AHI1: variants seen among roughly 807,000 people sequenced by gnomAD.
AHI1 encodes the protein Abelson helper integration site 1, also known as jouberin.
AHI1 carries 123 observed loss-of-function variants against 149.3 expected under a neutral mutation model. The observed-to-expected ratio is 0.82, with a 90% CI of 0.71 to 0.96. AHI1 has a LOEUF of 0.96. Ranked by LOEUF, AHI1 falls within the 40% of genes least tolerant of loss-of-function variation. The pLI is 0.00. For missense variants in AHI1, 1,439 were observed against 1,422.7 expected, an observed-to-expected ratio of 1.01 and a Z score of -0.18; for synonymous variants, 475 against 459.8, an observed-to-expected ratio of 1.03 and a Z score of -0.42.
chr6:135,478,546 A>T (rs911666769), intron 5 of AHI1, among the ~76,000 whole-genome samples: 13 of 152,198 alleles, frequency 8.5e-5, no homozygotes, highest in African/African-American at 3.1e-4. Context: ...CTGCTAAAAA[A>T]CTATGCTCAT....
intron 5 of AHI1, among the ~76,000 whole-genome samples, chr6:135,476,466 G>C (rs188985164): frequency 6.6e-6 from 1 of 151,942 alleles, no homozygotes; most frequent in East Asian, 1.9e-4. Flanking sequence ...TTCTGTGTTT[G>C]TTGGGTACAA....
At chr6:135,286,304 T>C (rs1432384165) in intron 28 of AHI1, 1 of 152,328 alleles carries the variant, frequency 6.6e-6, no homozygotes, top group Non-Finnish European at 1.5e-5. Flanking sequence ...GCATGTAGTA[T>C]TTGCACTACA....
At chr6:135,288,745 C>G (rs952035960) in intron 28 of AHI1, among the ~76,000 whole-genome samples, 1 of 151,844 alleles carries the variant, frequency 6.6e-6, no homozygotes, top group Non-Finnish European at 1.5e-5. Context: ...AGCCTTTTAA[C>G]TAAATCTCTC....
At chr6:135,427,053 G>A in intron 20 of AHI1, 114 bp downstream of exon 20, 1 of 1,017,760 alleles carries the variant, frequency 9.8e-7, no homozygotes, top group South Asian at 1.7e-5. Context: ...CCAACATAAG[G>A]GCACAATTAT....
chr6:135,496,073 A>T (rs910245922), intron 2 of AHI1, among the ~76,000 whole-genome samples, 175 bp from the exon 3 acceptor site: 1 of 152,198 alleles, frequency 6.6e-6, no homozygotes, highest in African/African-American at 2.4e-5. Context: ...ATAAATACTA[A>T]TATTATGTAA....
rs1445914255 is a variant in AHI1, at chr6:135,466,312, G to A, written c.251C>T (p.Ala84Val). 4 of 1,613,832 alleles carry A rather than the reference G, an allele frequency of 2.5e-6. No individual in the cohort carries two copies. The highest frequency in any genetic ancestry group is 8.5e-7 in the Non-Finnish European group (1 of 1,179,822). Residue 84 changes from alanine (A) to valine (V), a missense_variant, in exon 7 of 29, where the codon GCT becomes GTT. Physicochemically the swap from Ala to Val is moderately conservative, Grantham distance 64. Transcript: ENST00000265602. ...IKETTSDDVS[A>V]ANTNNLKKST... ...CTTCTTCAGGTTGTTAGTGTTAGCA[G>A]CACTTACATCATCACTTGTAGTTTC...
intron 20 of AHI1, among the ~76,000 whole-genome samples, chr6:135,414,905 C>T (rs1782124368): frequency 6.6e-6 from 1 of 151,174 alleles, no homozygotes; most frequent in Admixed American, 6.6e-5. Context: ...GGCTGGTGTG[C>T]TGCACCCATT....
chr6:135,482,742 T>C (rs1353201340), intron 5 of AHI1, among the ~76,000 whole-genome samples: 1 of 151,896 alleles, frequency 6.6e-6, no homozygotes, highest in African/African-American at 2.4e-5. Context: ...GTTATCTTTC[T>C]TTTTTTAAAT....
At chr6:135,364,496 C>T (rs1471635991) in intron 23 of AHI1, among the ~76,000 whole-genome samples, 2 of 149,846 alleles carry the variant, frequency 1.3e-5, no homozygotes, top group African/African-American at 5.0e-5. Flanking sequence ...GGGTGGCGGC[C>T]GGGCAGAGGC....
At chr6:135,302,882 A>G (rs1315582474) in intron 26 of AHI1, 7 of 1,139,114 alleles carry the variant, frequency 6.1e-6, no homozygotes, top group Non-Finnish European at 8.1e-6. Flanking sequence ...CACCATCGAC[A>G]ACGCCAAAGA....
rs374281424 is a variant in AHI1, at chr6:135,427,356, C to T, written c.2624-49G>A. 2.9e-4 allele frequency: 424 copies of T among 1,473,912 alleles called. 1 individual carries two copies. The African/African-American group carries it at 5.1e-3, about 18-fold the overall frequency. The allele number at this position is 1,473,912 out of a possible 1,614,324, so 91.3% of individuals were successfully genotyped here. On this transcript the variant is annotated intron_variant, in intron 19 of 28. Transcript: ENST00000265602. ...AATGTATATCAGAGCATATCTGTAT[C>T]GATAAATCTTCTCACAAGATTATTC...
chr6:135,467,981 A>C (rs1251420565), intron 5 of AHI1, among the ~76,000 whole-genome samples: 1 of 152,228 alleles, frequency 6.6e-6, no homozygotes, highest in Admixed American at 6.5e-5. Context: ...CCAGAAATGA[A>C]TAAACTTAAC....
At chr6:135,340,232 C>A (rs564688993) in intron 24 of AHI1, among the ~76,000 whole-genome samples, 1 of 152,066 alleles carries the variant, frequency 6.6e-6, no homozygotes, top group South Asian at 2.1e-4. Flanking sequence ...ATTAGCTGGG[C>A]GTGGTGGCAC....
At chr6:135,358,271 A>G in intron 23 of AHI1, 84 bp from the exon 24 acceptor site, 1 of 1,192,032 alleles carries the variant, frequency 8.4e-7, no homozygotes, top group Non-Finnish European at 1.2e-6. Context: ...TTATTGGAAA[A>G]ACATTTATTA....
At position 135,385,355 on chromosome 6, in the gene AHI1, T is replaced by C. The variant is rs111599829; in HGVS notation, c.3109+9421A>G. Among the ~76,000 whole-genome samples the C allele has an allele frequency of 9.2e-3, 1,402 of 152,076 alleles. 21 individuals are homozygous for C. The highest frequency in any genetic ancestry group is 0.032 in the African/African-American group (1,308 of 41,446). On this transcript the variant is annotated intron_variant, in intron 23 of 28. Transcript: ENST00000265602. ...AGACATGGAAGAAAAGAGGAAAAAT[T>C]AGCAAAGGAGAATGAAGAGTGCCTA... is the stretch of plus-strand genomic sequence containing the variant.
chr6:135,347,062 G>C (rs1202326499), intron 24 of AHI1, among the ~76,000 whole-genome samples: 1 of 152,110 alleles, frequency 6.6e-6, no homozygotes, highest in African/African-American at 2.4e-5. Context: ...CTTCTTTGTG[G>C]GCTGATGGAA....
chr6:135,417,802 T>C (rs1448223603), intron 20 of AHI1, among the ~76,000 whole-genome samples: 2 of 152,026 alleles, frequency 1.3e-5, no homozygotes, highest in Non-Finnish European at 1.5e-5. Flanking sequence ...TCTCAGATAC[T>C]AGAAACAGAA....
intron 22 of AHI1, among the ~76,000 whole-genome samples, chr6:135,399,073 AC>A (rs1269591714): frequency 6.6e-6 from 1 of 152,126 alleles, no homozygotes; most frequent in Non-Finnish European, 1.5e-5. Flanking sequence ...GGTCTCAGCT[AC>A]CCAGGAGGCT....
chr6:135,381,643 T>A (rs550951889), intron 23 of AHI1, among the ~76,000 whole-genome samples: 17 of 152,250 alleles, frequency 1.1e-4, no homozygotes, highest in African/African-American at 4.1e-4. Context: ...ATGGGCAAGA[T>A]AAATTTCTAA....
Sources: allele counts gnomAD v4.1 joint callset (sites outside exome capture counted in the v4.1 genomes callset), GRCh38; gene constraint gnomAD v4.1.1; transcripts MANE v1.5; gene names NCBI Gene and HGNC (gene_info 2026-07-23, HGNC 2026-07-21).